Variants in NECTIN1 observed in about 807,000 individuals in gnomAD.
NECTIN1 encodes the protein nectin-1.
NECTIN1 carries 23 observed loss-of-function variants against 48.0 expected under a neutral mutation model. That is an observed-to-expected ratio of 0.48 (90% CI 0.34 to 0.68). The LOEUF is 0.68. Among genes scored for constraint, NECTIN1 ranks in the 30% least tolerant of loss-of-function variants. The pLI, the probability that NECTIN1 is intolerant of heterozygous loss-of-function variation, is 0.01. For synonymous variants in NECTIN1, 270 were observed against 288.9 expected (o/e 0.93, Z 0.66); for missense variants, 591 against 709.9 (o/e 0.83, Z 1.90).
chr11:119,688,360 C>T (rs1865194999), intron 1 of NECTIN1, among the ~76,000 whole-genome samples: 1 of 152,044 alleles, frequency 6.6e-6, no homozygotes, highest in Admixed American at 6.5e-5. Flanking sequence ...TAAGCCCACC[C>T]TGTGATCCTG....
chr11:119,651,683 C>G (rs890868249), intron 5 of NECTIN1, among the ~76,000 whole-genome samples: 1 of 152,162 alleles, frequency 6.6e-6, no homozygotes, highest in African/African-American at 2.4e-5. Flanking sequence ...CTGCCACACA[C>G]CACGCTTCTC....
At chr11:119,685,484 A>AT (rs887068504) in intron 1 of NECTIN1, among the ~76,000 whole-genome samples, 6 of 152,184 alleles carry the variant, frequency 3.9e-5, no homozygotes, top group Admixed American at 3.9e-4. Context: ...GGCAGCAGTG[A>AT]TGGGGGTGCT....
At chr11:119,698,309 G>C (rs1865377476) in intron 1 of NECTIN1, among the ~76,000 whole-genome samples, 3 of 152,224 alleles carry the variant, frequency 2.0e-5, no homozygotes, top group African/African-American at 7.2e-5. Flanking sequence ...CACTGGCAAG[G>C]TTTTACTCCA....
Position 119,727,530 on chromosome 11 carries a change from A to G in NECTIN1, c.79+945T>C, listed in dbSNP as rs1259940081. ...AGCTCGGCAGCTTCCCCAGGGACAC[A>G]AAGGGTTAAATCCAGGCGAGGGGAC... is the stretch of plus-strand genomic sequence containing the variant. On this transcript the variant is annotated intron_variant, in intron 1 of 5. Transcript: ENST00000264025. The surrounding 1 kb of genome is among the most constrained non-coding windows in gnomAD (Gnocchi z 4.1). 6.6e-6 allele frequency among the ~76,000 whole-genome samples: 1 copy of G among 152,224 alleles called. No individual in the cohort carries two copies. Among genetic ancestry groups the G allele is most frequent in the Admixed American group, 6.5e-5 (1 of 15,292 alleles).
In NECTIN1 at chr11:119,706,192, A is replaced by G. The variant is rs575893159; in HGVS notation, c.79+22283T>C. Among the ~76,000 whole-genome samples, 386 of 152,314 alleles carry G rather than the reference A, an allele frequency of 2.5e-3. 1 individual carries two copies. Among genetic ancestry groups the G allele is most frequent in the Middle Eastern group, 6.8e-3 (2 of 294 alleles). On this transcript the variant is annotated intron_variant, in intron 1 of 5. Transcript: ENST00000264025. ...GGCTTTCCTCTGACACACAGAGATC[A>G]AATAACTTCTCACTCAAAGGGAAAG...
chr11:119,649,866 G>A (rs553887596), intron 5 of NECTIN1, among the ~76,000 whole-genome samples: 94 of 152,340 alleles, frequency 6.2e-4, no homozygotes, highest in Middle Eastern at 6.8e-3. Flanking sequence ...TACTCAGGAG[G>A]AAATGAAGTT....
downstream of NECTIN1, chr11:119,659,183 C>T (rs774096634): frequency 2.6e-5 from 4 of 152,322 alleles, no homozygotes; most frequent in South Asian, 2.1e-4. Flanking sequence ...ACCCAGCGTT[C>T]GGAATTCCTT....
At chr11:119,647,470 G>T (rs1864413953) in intron 5 of NECTIN1, among the ~76,000 whole-genome samples, 1 of 151,998 alleles carries the variant, frequency 6.6e-6, no homozygotes, top group Non-Finnish European at 1.5e-5. Flanking sequence ...AGGGGAGAGG[G>T]ACTATCTCCC....
At chr11:119,716,450 C>T (rs935812320) in intron 1 of NECTIN1, among the ~76,000 whole-genome samples, 3 of 152,184 alleles carry the variant, frequency 2.0e-5, no homozygotes, top group African/African-American at 7.2e-5. Context: ...CTTCCAGCCT[C>T]TTATCATCTC....
At chr11:119,638,500 T>G (rs1379062367) in intron 7 of NECTIN1, among the ~76,000 whole-genome samples, 1 of 152,076 alleles carries the variant, frequency 6.6e-6, no homozygotes, top group Non-Finnish European at 1.5e-5. Context: ...ATGAAAGGAC[T>G]GTGAGGTAGA....
chr11:119,672,006 G>C lies in NECTIN1; in HGVS notation c.1003+3153C>G, dbSNP rs546364765. On this transcript the variant is annotated intron_variant, in intron 5 of 5. Transcript: ENST00000264025. This position sits in a 1 kb window ranked among gnomAD's most constrained non-coding sequence, Gnocchi z 4.3. Reference sequence around the variant, plus strand: ...GAGACACATGTCCATACCATGGCTGGGCATGCACACTTGCAGGCTCACACC... The same window carrying C: ...GAGACACATGTCCATACCATGGCTGCGCATGCACACTTGCAGGCTCACACC... 5.3e-5 allele frequency among the ~76,000 whole-genome samples: 8 copies of C among 152,244 alleles called. No individual in the cohort carries two copies. The highest frequency in any genetic ancestry group is 2.9e-5 in the Non-Finnish European group (2 of 68,040).
At position 119,678,913 on chromosome 11, in the gene NECTIN1, A is replaced by T; in HGVS notation, c.80-148T>A. The stretch of plus-strand genomic sequence containing the variant: ...AATATTAATTACTTGTTATAAAAAC[A>T]CTCTAGGCAACACTGAAAAATCATG... On this transcript the variant is annotated intron_variant, in intron 1 of 5. Transcript: ENST00000264025. This position sits in a 1 kb window ranked among gnomAD's most constrained non-coding sequence, Gnocchi z 4.4. The T allele has an allele frequency of 3.0e-6, 2 of 665,262 alleles. No individual in the cohort carries two copies. The highest frequency in any genetic ancestry group is 5.4e-6 in the Non-Finnish European group (2 of 370,578). 41.2% of individuals were successfully genotyped at this position (665,262 alleles called of 1,614,324 possible). A position where few individuals can be genotyped will look rare whatever the true frequency, so the allele number is the denominator to read the frequency against.
At position 119,678,732 on chromosome 11, in the gene NECTIN1, G is replaced by C. The variant is rs553054866; in HGVS notation, c.113C>G (p.Ser38Cys). The C allele has an allele frequency of 6.2e-7, 1 of 1,613,084 alleles. No homozygotes were observed. The highest frequency in any genetic ancestry group is 1.3e-5 in the African/African-American group (1 of 75,020). The part of the protein sequence containing the change: ...VHSQVVQVND[S>C]MYGFIGTDVV... ...GTCTGTGCCGATGAAGCCATACATG[G>C]AGTCGTTCACCTGGACCACCTGGGA... is the stretch of plus-strand genomic sequence containing the variant. Residue 38 changes from serine to cysteine, a missense_variant, in exon 2 of 6, where the codon TCC becomes TGC. Ser to Cys is a moderately radical substitution (Grantham distance 112). Transcript: ENST00000264025. The surrounding 1 kb of genome is among the most constrained non-coding windows in gnomAD (Gnocchi z 4.4).
Position 119,663,365 on chromosome 11 carries a change from A to G in NECTIN1, c.*1382T>C, listed in dbSNP as rs545288869. 171 of 985,462 alleles carry G rather than the reference A, an allele frequency of 1.7e-4. No homozygotes were observed. The highest frequency in any genetic ancestry group is 6.1e-4 in the Admixed American group (10 of 16,290). The allele number at this position is 985,462 out of a possible 1,614,324, so 61.0% of individuals were successfully genotyped here. On this transcript the variant is annotated 3_prime_UTR_variant, in exon 6 of 6. Transcript: ENST00000264025. ...GAAGACCCAGTCTGGGGTGGCTGAT[A>G]GGAACTCAATGTCCCATTCAAGAAG...
intron 1 of NECTIN1, among the ~76,000 whole-genome samples, chr11:119,707,727 T>C (rs189107887): frequency 1.0e-3 from 159 of 152,390 alleles, no homozygotes; most frequent in Admixed American, 3.1e-3. Flanking sequence ...TATATCATAG[T>C]TGTACATATT....
chr11:119,647,165 G>C (rs1335376939), intron 5 of NECTIN1, among the ~76,000 whole-genome samples: 1 of 35,982 alleles, frequency 2.8e-5, no homozygotes. Context: ...CGGCGCATGT[G>C]TGTGTGTGTG....
chr11:119,669,636 CCCTAGAG>C (rs1242835253), intron 5 of NECTIN1, among the ~76,000 whole-genome samples: 3 of 152,290 alleles, frequency 2.0e-5, no homozygotes, highest in African/African-American at 4.8e-5. Flanking sequence ...CAATGACTCT[CCCTAGAG>C]CCTTAACGTG....
chr11:119,677,561 C>T lies in NECTIN1; in HGVS notation c.727G>A (p.Val243Met), dbSNP rs779104764. 2.7e-5 allele frequency: 44 copies of T among 1,612,456 alleles called. No homozygotes were observed. Among genetic ancestry groups the T allele is most frequent in the East Asian group, 8.9e-5 (4 of 44,894 alleles). ...GGCAGCCAGCCCTGCTCACACTGCA[C>T]GTTGAGAGTGAGGCTTTCCTTGAAG... ...DRFKESLTLN[V>M]QYEPEVTIEG... Residue 243 changes from valine (V) to methionine (M), a missense_variant, in exon 3 of 6, where the codon GTG becomes ATG. Val to Met is a conservative substitution (Grantham distance 21, BLOSUM62 1). Coordinates refer to ENST00000264025, the MANE Select transcript of NECTIN1 (RefSeq NM_002855.5). The surrounding 1 kb of genome is among the most constrained non-coding windows in gnomAD (Gnocchi z 5.4).
rs1864882476 is a variant in NECTIN1, at chr11:119,672,880, G to T, written c.1003+2279C>A. Among the ~76,000 whole-genome samples the T allele has an allele frequency of 6.6e-6, 1 of 152,200 alleles. No homozygotes were observed. Among genetic ancestry groups the T allele is most frequent in the South Asian group, 2.1e-4 (1 of 4,824 alleles). ...AGCCATGCCAAAGCGAGTCTGCGCA[G>T]GTGTGCAGTGGCCCAGCACACACGT... On this transcript the variant is annotated intron_variant, in intron 5 of 5. Transcript: ENST00000264025. The surrounding 1 kb of genome is among the most constrained non-coding windows in gnomAD (Gnocchi z 4.3).
Sources: allele counts gnomAD v4.1 joint callset (sites outside exome capture counted in the v4.1 genomes callset), GRCh38; gene constraint gnomAD v4.1.1; non-coding constraint Gnocchi (gnomAD v3.1); transcripts MANE v1.5; gene names NCBI Gene and HGNC (gene_info 2026-07-23, HGNC 2026-07-21).